The following NRG1 variants were observed in gnomAD, a reference collection of about 807,000 sequenced individuals.
NRG1 encodes pro-neuregulin-1, membrane-bound isoform.
NRG1 carries 18 observed loss-of-function variants against 63.8 expected under a neutral mutation model. The observed-to-expected ratio is 0.28, with a 90% CI of 0.19 to 0.42. NRG1 has a LOEUF of 0.42. Among genes scored for constraint, NRG1 ranks in the 10% least tolerant of loss-of-function variants. The pLI, the probability that NRG1 is intolerant of heterozygous loss-of-function variation, is 1.00. For missense variants in NRG1, 762 were observed against 814.7 expected (o/e 0.94, Z 0.79); for synonymous variants, 302 against 301.3 (o/e 1.00, Z -0.02).
chr8:32,608,196 T>A (rs1258867961), intron 3 of NRG1, among the ~76,000 whole-genome samples: 1 of 151,564 alleles, frequency 6.6e-6, no homozygotes, highest in East Asian at 1.9e-4. Flanking sequence ...TTTTGTTTTT[T>A]GAGACAGGGT....
Position 31,780,323 on chromosome 8 carries a change from G to A in NRG1, c.37+140892G>A, listed in dbSNP as rs147773503. Among the ~76,000 whole-genome samples the A allele has an allele frequency of 1.9e-3, 296 of 152,258 alleles. 1 individual carries two copies. The highest frequency in any genetic ancestry group is 3.1e-3 in the Non-Finnish European group (210 of 68,014). ...TTCTTCTTATTTCAGTTGTAGGCAT[G>A]AAGCCACATTTTGGGCTGATCATCT... On this transcript the variant is annotated intron_variant, in intron 1 of 10. Coordinates refer to the NRG1 transcript ENST00000519301.
intron 6 of NRG1, among the ~76,000 whole-genome samples, chr8:32,732,521 TA>T (rs1314872835): frequency 2.0e-5 from 3 of 152,198 alleles, no homozygotes; most frequent in African/African-American, 7.2e-5. Context: ...ATTAGAGTTT[TA>T]AACTACCAAT....
At chr8:31,639,974 C>T (rs1228232277) in intron 1 of NRG1, 3 of 1,128,360 alleles carry the variant, frequency 2.7e-6, no homozygotes, top group Non-Finnish European at 3.3e-6. Flanking sequence ...AGCCCGCACG[C>T]ACCTCGCACC....
intron 9 of NRG1, among the ~76,000 whole-genome samples, chr8:32,759,046 A>G (rs7012417): frequency 0.99 from 150,793 of 152,300 alleles, 74,670 homozygotes; most frequent in South Asian, 1. Flanking sequence ...ATGTAGTTGG[A>G]ATGATGGGCC....
At chr8:32,118,097 C>T (rs1299268107) in intron 1 of NRG1, among the ~76,000 whole-genome samples, 3 of 152,098 alleles carry the variant, frequency 2.0e-5, no homozygotes, top group African/African-American at 7.2e-5. Context: ...TCTAGAAATA[C>T]TAGCCTTATG....
chr8:32,250,485 A>G (rs1258093997), intron 1 of NRG1, among the ~76,000 whole-genome samples: 2 of 152,172 alleles, frequency 1.3e-5, no homozygotes, highest in African/African-American at 2.4e-5. Context: ...AATGATTTTC[A>G]TAACACAAAA....
exon 11 of NRG1, chr8:32,760,371 C>T (rs1023727622): frequency 6.2e-7 from 1 of 1,613,930 alleles, no homozygotes; most frequent in African/African-American, 1.3e-5. Flanking sequence ...CCAGAGAAAC[C>T]CCTGATTCCT....
chr8:32,101,189 G>A (rs7001797), intron 1 of NRG1, among the ~76,000 whole-genome samples: 9,690 of 152,100 alleles, frequency 0.064, 620 homozygotes, highest in African/African-American at 0.16. Flanking sequence ...TTAGAATTTC[G>A]TTTTTATTCA....
At chr8:32,524,980 G>C (rs777911943) in intron 1 of NRG1, among the ~76,000 whole-genome samples, 2 of 152,184 alleles carry the variant, frequency 1.3e-5, no homozygotes, top group Non-Finnish European at 2.9e-5. Flanking sequence ...TTTCCGTTAA[G>C]TTTTTGCAAA....
chr8:32,377,692 AT>A (rs1340413665), intron 1 of NRG1, among the ~76,000 whole-genome samples: 2 of 152,132 alleles, frequency 1.3e-5, no homozygotes, highest in Non-Finnish European at 2.9e-5. Context: ...TAAAGTGTTT[AT>A]TTTCTTTATT....
At chr8:32,531,787 G>T (rs115586733) in intron 1 of NRG1, among the ~76,000 whole-genome samples, 240 of 152,232 alleles carry the variant, frequency 1.6e-3, no homozygotes, top group African/African-American at 5.6e-3. Flanking sequence ...ACCTCATAGG[G>T]TTATCGTGAA....
downstream of NRG1, among the ~76,000 whole-genome samples, chr8:32,770,602 G>A (rs577927804): frequency 3.9e-5 from 6 of 152,278 alleles, no homozygotes; most frequent in South Asian, 8.3e-4. Context: ...GTGATTCTAT[G>A]CACCTTTCCT....
At chr8:31,859,554 C>T (rs1206063128) in intron 1 of NRG1, among the ~76,000 whole-genome samples, 1 of 152,178 alleles carries the variant, frequency 6.6e-6, no homozygotes, top group Non-Finnish European at 1.5e-5. Flanking sequence ...TTACATATCC[C>T]TTTCTACAGA....
At chr8:31,745,280 G>A (rs1002142160) in intron 1 of NRG1, among the ~76,000 whole-genome samples, 12 of 152,022 alleles carry the variant, frequency 7.9e-5, no homozygotes, top group Admixed American at 2.0e-4. Context: ...CACAGGGAAC[G>A]GCCTGCGCAA....
chr8:32,508,391 A>G (rs2129499328), intron 1 of NRG1, among the ~76,000 whole-genome samples: 1 of 151,990 alleles, frequency 6.6e-6, no homozygotes, highest in Middle Eastern at 3.4e-3. Context: ...CCCAGGTTCA[A>G]GCAATTCTCC....
At chr8:31,839,047 A>G (rs968020723) in intron 1 of NRG1, among the ~76,000 whole-genome samples, 3 of 152,200 alleles carry the variant, frequency 2.0e-5, no homozygotes, top group African/African-American at 7.2e-5. Flanking sequence ...ATTTCATTAT[A>G]TGTTTTTAAT....
chr8:32,515,884 G>T (rs1048563175), intron 1 of NRG1, among the ~76,000 whole-genome samples: 1 of 152,110 alleles, frequency 6.6e-6, no homozygotes, highest in African/African-American at 2.4e-5. Flanking sequence ...TCTGTCAATT[G>T]TTTCTTTTCC....
At chr8:32,055,041 C>T (rs4733289) in intron 1 of NRG1, among the ~76,000 whole-genome samples, 79,255 of 151,408 alleles carry the variant, frequency 0.52, 22,444 homozygotes, top group South Asian at 0.73. Context: ...GCATATGCCA[C>T]CATGCCTGGC....
chr8:32,753,273 A>G (rs776431788), intron 7 of NRG1, among the ~76,000 whole-genome samples: 9 of 152,206 alleles, frequency 5.9e-5, no homozygotes, highest in Non-Finnish European at 1.3e-4. Flanking sequence ...CTGGAAGCTC[A>G]GGTCCTTAGG....
Sources: gnomAD v4.1 joint callset for allele counts (sites outside exome capture counted in the v4.1 genomes callset) on GRCh38, gnomAD v4.1.1 for gene constraint, MANE v1.5 for transcripts, NCBI Gene and HGNC (gene_info 2026-07-23, HGNC 2026-07-21) for gene names.